ARHGAP44: variants seen among roughly 807,000 people sequenced by gnomAD.
ARHGAP44 encodes rho GTPase-activating protein 44.
Under a neutral mutation model 106.8 loss-of-function variants are expected in ARHGAP44, and 43 were observed. The ratio of observed to expected loss-of-function variants is 0.40; its 90% confidence interval spans 0.32 to 0.52. The LOEUF (loss-of-function observed/expected upper bound fraction) is 0.52, where lower values mean the gene tolerates loss of function less well. Among genes scored for constraint, ARHGAP44 ranks in the 20% least tolerant of loss-of-function variants. The pLI is 0.48. For synonymous variants in ARHGAP44, 439 were observed against 410.3 expected (o/e 1.07, Z -0.85); for missense variants, 866 against 1,050.5 (o/e 0.82, Z 2.43).
intron 16 of ARHGAP44, among the ~76,000 whole-genome samples, chr17:12,964,144 G>A (rs1432995629): frequency 6.6e-6 from 1 of 152,142 alleles, no homozygotes; most frequent in Non-Finnish European, 1.5e-5. Context: ...TATGTTTTTA[G>A]TGTCTTTTTT....
chr17:12,807,887 C>G (rs1215484438), intron 1 of ARHGAP44, among the ~76,000 whole-genome samples: 1 of 152,194 alleles, frequency 6.6e-6, no homozygotes, highest in Non-Finnish European at 1.5e-5. Flanking sequence ...GTCTCTTCTG[C>G]CTATGAGCCT....
intron 1 of ARHGAP44, among the ~76,000 whole-genome samples, chr17:12,806,516 G>T (rs1242247211): frequency 1.3e-5 from 2 of 152,234 alleles, no homozygotes; most frequent in South Asian, 2.1e-4. Context: ...TGGGTGAATT[G>T]TATGGTCACC....
At chr17:12,807,740 AC>A (rs2034319466) in intron 1 of ARHGAP44, among the ~76,000 whole-genome samples, 1 of 151,974 alleles carries the variant, frequency 6.6e-6, no homozygotes, top group Non-Finnish European at 1.5e-5. Context: ...ATATTATTCC[AC>A]CCCTGACCCC....
At chr17:12,947,818 GCCTTACTGATACACTCAT>G (rs1303284114) in intron 10 of ARHGAP44, among the ~76,000 whole-genome samples, 1 of 152,176 alleles carries the variant, frequency 6.6e-6, no homozygotes, top group African/African-American at 2.4e-5. Context: ...TGTCGTAGCA[GCCTTACTGATACACTCAT>G]CCAAACATGT....
At chr17:12,925,977 G>A (rs554268883) in intron 6 of ARHGAP44, among the ~76,000 whole-genome samples, 62 of 152,222 alleles carry the variant, frequency 4.1e-4, no homozygotes, top group African/African-American at 1.4e-3. Context: ...TACAAAACTC[G>A]TCTGTTCACA....
intron 1 of ARHGAP44, among the ~76,000 whole-genome samples, chr17:12,858,788 A>G (rs892437459): frequency 6.6e-6 from 1 of 152,196 alleles, no homozygotes; most frequent in Non-Finnish European, 1.5e-5. Flanking sequence ...AAGACTGGAT[A>G]ATTTATAAAG....
rs369244216 is a variant in ARHGAP44, at chr17:12,843,687, C to T, written c.54-51253C>T. 1.1e-4 allele frequency among the ~76,000 whole-genome samples: 12 copies of T among 104,948 alleles called. No homozygotes were observed. In the South Asian group the frequency reaches 2.8e-3, roughly 24 times the overall value. 68.8% of individuals were successfully genotyped at this position (104,948 alleles called of 152,430 possible). A position where few individuals can be genotyped will look rare whatever the true frequency, so the allele number is the denominator to read the frequency against. On this transcript the variant is annotated intron_variant, in intron 1 of 20. Transcript: ENST00000379672. ...TTTTTTTTTTTTTGAGATGGAGTTT[C>T]GTCTGTCACCCAGGCTGGAGTGCAA...
chr17:12,894,453 T>C (rs73978272), intron 1 of ARHGAP44, among the ~76,000 whole-genome samples: 1,732 of 152,298 alleles, frequency 0.011, 30 homozygotes, highest in African/African-American at 0.039. Context: ...AATGTAGAAG[T>C]TTCAGGTTCA....
At chr17:12,875,418 G>T (rs1448766031) in intron 1 of ARHGAP44, among the ~76,000 whole-genome samples, 2 of 151,338 alleles carry the variant, frequency 1.3e-5, no homozygotes, top group East Asian at 4.0e-4. Context: ...ACATAGCAAG[G>T]CCTTGTCTCT....
chr17:12,894,260 G>A (rs1181426397), intron 1 of ARHGAP44, among the ~76,000 whole-genome samples: 1 of 150,404 alleles, frequency 6.6e-6, no homozygotes, highest in African/African-American at 2.4e-5. Flanking sequence ...GTGTGTGTGT[G>A]CACGTGCGTG....
At chr17:12,900,554 A>G (rs1370149793) in intron 3 of ARHGAP44, among the ~76,000 whole-genome samples, 1 of 152,190 alleles carries the variant, frequency 6.6e-6, no homozygotes, top group African/African-American at 2.4e-5. Context: ...ATACCCAACA[A>G]ATAAAGTGCT....
intron 1 of ARHGAP44, among the ~76,000 whole-genome samples, chr17:12,841,587 C>CTCTCTCTG (rs200981464): frequency 2.6e-4 from 34 of 130,742 alleles, no homozygotes; most frequent in African/African-American, 1.0e-3. Flanking sequence ...GTCTCTCTGT[C>CTCTCTCTG]TCTCTCTCAC....
chr17:12,918,379 G>A (rs180768853), intron 5 of ARHGAP44, among the ~76,000 whole-genome samples: 18 of 152,224 alleles, frequency 1.2e-4, no homozygotes, highest in South Asian at 2.1e-4. Flanking sequence ...TATAAAAACC[G>A]CAGCCCGAGA....
intron 6 of ARHGAP44, among the ~76,000 whole-genome samples, chr17:12,922,421 AC>A (rs1327388379): frequency 6.6e-6 from 1 of 152,106 alleles, no homozygotes; most frequent in Non-Finnish European, 1.5e-5. Flanking sequence ...GTGTTCAAGT[AC>A]CCTATTTTGG....
chr17:12,792,724 G>C (rs1038499328), intron 1 of ARHGAP44, among the ~76,000 whole-genome samples: 2 of 152,058 alleles, frequency 1.3e-5, no homozygotes, highest in Non-Finnish European at 2.9e-5. Flanking sequence ...CTCATGGCTC[G>C]CCTTCCCTAA....
chr17:12,948,753 CCCTGT>C (rs1598102900), intron 10 of ARHGAP44, among the ~76,000 whole-genome samples: 1 of 150,210 alleles, frequency 6.7e-6, no homozygotes, highest in African/African-American at 2.5e-5. Flanking sequence ...CACACACACC[CCCTGT>C]AGACCTCCTC....
intron 1 of ARHGAP44, among the ~76,000 whole-genome samples, chr17:12,879,200 A>G (rs896785933): frequency 1.3e-5 from 2 of 152,146 alleles, no homozygotes; most frequent in African/African-American, 4.8e-5. Flanking sequence ...CTTAGCTCCC[A>G]CTTATGAGTG....
In ARHGAP44 at chr17:12,856,125, T is replaced by A. The variant is rs375659347; in HGVS notation, c.54-38815T>A. On this transcript the variant is annotated intron_variant, in intron 1 of 20. Transcript: ENST00000379672. ...TTCTCCATAGCTGAGGGGCCACATC[T>A]CCTATTTTCTTCTGTCTTTCTGTCC... Among the ~76,000 whole-genome samples the A allele has an allele frequency of 2.2e-4, 34 of 152,320 alleles. No individual in the cohort carries two copies. In the East Asian group the frequency reaches 2.7e-3, roughly 12 times the overall value.
At chr17:12,917,585 G>A (rs1032220483) in intron 5 of ARHGAP44, among the ~76,000 whole-genome samples, 4 of 152,092 alleles carry the variant, frequency 2.6e-5, no homozygotes, top group Non-Finnish European at 5.9e-5. Context: ...CCAGCCTGCT[G>A]ACTCACACAT....
Sources: gnomAD v4.1 joint callset for allele counts (sites outside exome capture counted in the v4.1 genomes callset) on GRCh38, gnomAD v4.1.1 for gene constraint, MANE v1.5 for transcripts, NCBI Gene and HGNC (gene_info 2026-07-23, HGNC 2026-07-21) for gene names.